Variants in LAMC1 observed in about 807,000 individuals in gnomAD.
The protein encoded by LAMC1 is laminin subunit gamma 1, also known as laminin subunit gamma-1.
LAMC1 carries 38 observed loss-of-function variants against 173.6 expected under a neutral mutation model. The ratio of observed to expected loss-of-function variants is 0.22; its 90% CI spans 0.17 to 0.29. LAMC1 has a LOEUF of 0.29. Ranked by LOEUF, LAMC1 falls within the 10% of genes least tolerant of loss-of-function variation. The pLI, the probability that LAMC1 is intolerant of heterozygous loss-of-function variation, is 1.00. For synonymous variants in LAMC1, 746 were observed against 749.1 expected, an observed-to-expected ratio of 1.00 and a Z score of 0.07; for missense variants, 1,824 against 2,051.8, an observed-to-expected ratio of 0.89 and a Z score of 2.14.
At chr1:183,037,655 C>T (rs995019293) in intron 1 of LAMC1, among the ~76,000 whole-genome samples, 3 of 152,206 alleles carry the variant, frequency 2.0e-5, no homozygotes, top group African/African-American at 7.2e-5. Context: ...CTCTTCCTCT[C>T]TCTCTTTCTG....
At chr1:183,140,282 ATTTCCT>A in intron 26 of LAMC1, 116 bp from the exon 27 acceptor site, 4 of 350,128 alleles carry the variant, frequency 1.1e-5, no homozygotes, top group South Asian at 4.0e-5. Flanking sequence ...AGAGGTTTCA[ATTTCCT>A]AAGTTAGAAA....
intron 1 of LAMC1, among the ~76,000 whole-genome samples, chr1:183,076,182 C>A (rs752646192): frequency 2.0e-5 from 3 of 152,162 alleles, no homozygotes; most frequent in Non-Finnish European, 4.4e-5. Context: ...AAACCTGTAA[C>A]TATGCCTCCA....
intron 1 of LAMC1, among the ~76,000 whole-genome samples, chr1:183,054,783 C>T (rs1323198744): frequency 1.3e-5 from 2 of 152,088 alleles, no homozygotes; most frequent in African/African-American, 4.8e-5. Context: ...AAGAGGGAAG[C>T]CATTGATTAT....
intron 22 of LAMC1, among the ~76,000 whole-genome samples, chr1:183,133,850 G>A (rs1656866984): frequency 6.6e-6 from 1 of 152,194 alleles, no homozygotes; most frequent in Non-Finnish European, 1.5e-5. Context: ...CCAAGGTAAA[G>A]AATCCTGTGA....
intron 1 of LAMC1, among the ~76,000 whole-genome samples, chr1:183,031,720 A>G (rs1653854346): frequency 6.6e-6 from 1 of 152,092 alleles, no homozygotes; most frequent in African/African-American, 2.4e-5. Flanking sequence ...GTTTATTTTT[A>G]CTGCTGAAAA....
intron 11 of LAMC1, among the ~76,000 whole-genome samples, chr1:183,120,752 A>G (rs1656448703): frequency 6.6e-6 from 1 of 152,236 alleles, no homozygotes; most frequent in Admixed American, 6.5e-5. Flanking sequence ...ATGGAAAAGC[A>G]TTGAGCTTTG....
At chr1:183,026,445 A>G (rs1020622199) in intron 1 of LAMC1, among the ~76,000 whole-genome samples, 2 of 151,844 alleles carry the variant, frequency 1.3e-5, no homozygotes, top group Non-Finnish European at 2.9e-5. Flanking sequence ...GTATACATGT[A>G]TGTTTCGATC....
intron 1 of LAMC1, among the ~76,000 whole-genome samples, chr1:183,100,769 G>A (rs1655813330): frequency 6.6e-6 from 1 of 152,118 alleles, no homozygotes. Flanking sequence ...TGAGGGTGGT[G>A]CACGTGACTC....
chr1:183,082,328 A>G (rs755245149), intron 1 of LAMC1, among the ~76,000 whole-genome samples: 2 of 152,226 alleles, frequency 1.3e-5, no homozygotes, highest in Non-Finnish European at 2.9e-5. Flanking sequence ...AAACTGCCAA[A>G]CTGTCTTCCA....
intron 1 of LAMC1, among the ~76,000 whole-genome samples, chr1:183,045,957 C>T (rs1015332288): frequency 6.6e-6 from 1 of 151,936 alleles, no homozygotes; most frequent in Non-Finnish European, 1.5e-5. Context: ...TTTTCTTTCC[C>T]TTATTGATTT....
chr1:183,060,381 C>T (rs1391793622), intron 1 of LAMC1, among the ~76,000 whole-genome samples: 1 of 149,064 alleles, frequency 6.7e-6, no homozygotes, highest in African/African-American at 2.5e-5. Context: ...AGCAAGACCC[C>T]ATCTCAAAAA....
At chr1:183,137,624 A>C (rs1656983084) in intron 25 of LAMC1, 45 bp from the exon 26 acceptor site, 1 of 1,417,876 alleles carries the variant, frequency 7.1e-7, no homozygotes, top group South Asian at 1.6e-5. Context: ...ACTTGAGAAA[A>C]AGGAAAGCTT....
At chr1:183,045,617 G>T (rs941906947) in intron 1 of LAMC1, among the ~76,000 whole-genome samples, 6 of 151,920 alleles carry the variant, frequency 3.9e-5, no homozygotes, top group Non-Finnish European at 7.4e-5. Flanking sequence ...GTTGTTTTAC[G>T]AATAGAACGC....
chr1:183,141,632 G>A (rs946378605), intron 27 of LAMC1, among the ~76,000 whole-genome samples: 2 of 152,152 alleles, frequency 1.3e-5, no homozygotes, highest in African/African-American at 4.8e-5. Context: ...GGTGCATTTT[G>A]TTTTGGTGGG....
At chr1:183,093,852 C>T (rs1655627409) in intron 1 of LAMC1, among the ~76,000 whole-genome samples, 1 of 152,128 alleles carries the variant, frequency 6.6e-6, no homozygotes, top group East Asian at 1.9e-4. Flanking sequence ...CAAAATATGT[C>T]CAAAATACCA....
chr1:183,023,826 T>TGGACGAGTGCAC lies in LAMC1; in HGVS notation c.118_129dup (p.Cys40_Glu43dup), dbSNP rs1346819529. On this transcript the variant is annotated inframe_insertion, in exon 1 of 28. Coordinates refer to ENST00000258341, the MANE Select transcript of LAMC1 (RefSeq NM_002293.4). ...GCGGCGGGCTGTGCCCAGGCAGCCATGGACGAGTGCACGGACGAGGGCGGG... is the reference window on the plus strand; with the variant it reads ...GCGGCGGGCTGTGCCCAGGCAGCCATGGACGAGTGCACGGACGAGTGCACGGACGAGGGCGGG... 1 of 1,588,410 alleles carries TGGACGAGTGCAC rather than the reference T, an allele frequency of 6.3e-7. No homozygotes were observed. The highest frequency in any genetic ancestry group is 1.7e-5 in the Admixed American group (1 of 58,742).
chr1:183,037,177 T>C (rs1032752652), intron 1 of LAMC1, among the ~76,000 whole-genome samples: 1 of 152,236 alleles, frequency 6.6e-6, no homozygotes, highest in African/African-American at 2.4e-5. Context: ...AAGGAATTTA[T>C]TGAATTTCAG....
chr1:183,120,920 T>C (rs1656453600), intron 11 of LAMC1, among the ~76,000 whole-genome samples: 1 of 152,196 alleles, frequency 6.6e-6, no homozygotes. Context: ...CCTTCTGTCT[T>C]ACCCTTGAAC....
chr1:183,063,434 T>A (rs1654789358), intron 1 of LAMC1, among the ~76,000 whole-genome samples: 1 of 152,234 alleles, frequency 6.6e-6, no homozygotes, highest in Non-Finnish European at 1.5e-5. Flanking sequence ...TGTAATGTAT[T>A]GGGTATACAT....
Sources: allele counts gnomAD v4.1 joint callset (sites outside exome capture counted in the v4.1 genomes callset), GRCh38; gene constraint gnomAD v4.1.1; transcripts MANE v1.5; gene names NCBI Gene and HGNC (gene_info 2026-07-23, HGNC 2026-07-21).